The following LRMDA variants were observed in gnomAD, a reference collection of about 807,000 sequenced individuals.
LRMDA encodes leucine-rich melanocyte differentiation-associated protein.
A neutral mutation model predicts 29.8 loss-of-function variants in LRMDA; 18 were observed. That is an observed-to-expected ratio of 0.60 (90% CI 0.42 to 0.90). The LOEUF (loss-of-function observed/expected upper bound fraction) is 0.90. LRMDA is among the 40% of genes least tolerant of loss of function. LRMDA has a pLI of 0.00. For synonymous variants in LRMDA, 125 were observed against 109.4 expected, an observed-to-expected ratio of 1.14 and a Z score of -0.89; for missense variants, 273 against 273.9, an observed-to-expected ratio of 1.00 and a Z score of 0.02.
chr10:76,073,861 A>T (rs1204016077), intron 5 of LRMDA, among the ~76,000 whole-genome samples: 1 of 152,200 alleles, frequency 6.6e-6, no homozygotes, highest in African/African-American at 2.4e-5. Flanking sequence ...TGTACAAAGC[A>T]TGCATTGACC....
intron 5 of LRMDA, among the ~76,000 whole-genome samples, chr10:76,245,513 A>G (rs1248502126): frequency 6.6e-6 from 1 of 152,214 alleles, no homozygotes; most frequent in African/African-American, 2.4e-5. Flanking sequence ...AGAGGGAAGG[A>G]AAGGGAAGGA....
chr10:75,598,402 G>A (rs553784775), intron 2 of LRMDA, among the ~76,000 whole-genome samples: 1 of 152,220 alleles, frequency 6.6e-6, no homozygotes, highest in African/African-American at 2.4e-5. Flanking sequence ...GAGAGTCGTC[G>A]TGTCCCTAGC....
chr10:76,089,620 C>T (rs993586810), intron 5 of LRMDA, among the ~76,000 whole-genome samples: 2 of 152,126 alleles, frequency 1.3e-5, no homozygotes, highest in African/African-American at 2.4e-5. Flanking sequence ...TGCATGAACC[C>T]ATTAACTCAG....
At chr10:75,892,068 GTGACAGTGA>G (rs1444464812) in intron 2 of LRMDA, among the ~76,000 whole-genome samples, 1 of 152,144 alleles carries the variant, frequency 6.6e-6, no homozygotes, top group East Asian at 1.9e-4. Flanking sequence ...GGGAATTAGC[GTGACAGTGA>G]TGATCAATGG....
At chr10:75,727,068 G>A (rs1253239961) in intron 2 of LRMDA, among the ~76,000 whole-genome samples, 1 of 152,158 alleles carries the variant, frequency 6.6e-6, no homozygotes, top group Non-Finnish European at 1.5e-5. Context: ...TTTGCATTGT[G>A]TGTGGCCTGT....
intron 2 of LRMDA, among the ~76,000 whole-genome samples, chr10:75,616,032 T>C (rs1841093577): frequency 6.6e-6 from 1 of 152,232 alleles, no homozygotes; most frequent in Non-Finnish European, 1.5e-5. Context: ...AGAGACTGTT[T>C]CTTTAATTTA....
At chr10:75,788,392 C>G (rs1431708013) in intron 2 of LRMDA, among the ~76,000 whole-genome samples, 1 of 152,106 alleles carries the variant, frequency 6.6e-6, no homozygotes, top group Non-Finnish European at 1.5e-5. Context: ...GGCTGGAGTT[C>G]CAGTCATATC....
chr10:76,355,177 A>G (rs1251098182), intron 6 of LRMDA, among the ~76,000 whole-genome samples: 1 of 152,196 alleles, frequency 6.6e-6, no homozygotes, highest in African/African-American at 2.4e-5. Context: ...TTTATGAAAC[A>G]CATTTTACAT....
intron 2 of LRMDA, among the ~76,000 whole-genome samples, chr10:75,474,911 C>G (rs1844771006): frequency 2.0e-5 from 3 of 152,158 alleles, no homozygotes; most frequent in Admixed American, 2.0e-4. Context: ...GCGCTGGTCT[C>G]TTTAAAGGTG....
intron 2 of LRMDA, among the ~76,000 whole-genome samples, chr10:75,929,089 G>A (rs1274755343): frequency 6.6e-6 from 1 of 152,136 alleles, no homozygotes; most frequent in Non-Finnish European, 1.5e-5. Flanking sequence ...AAAGCACTCT[G>A]GGTCCTGTTT....
At chr10:76,553,571 A>G (rs971596588) in intron 6 of LRMDA, among the ~76,000 whole-genome samples, 3 of 152,252 alleles carry the variant, frequency 2.0e-5, no homozygotes, top group African/African-American at 7.2e-5. Flanking sequence ...ATTTACGAGC[A>G]GAGCCTCATA....
intron 6 of LRMDA, among the ~76,000 whole-genome samples, chr10:76,348,840 G>C (rs1284003654): frequency 6.6e-6 from 1 of 152,224 alleles, no homozygotes; most frequent in Non-Finnish European, 1.5e-5. Context: ...GCAGCAAACT[G>C]TGACATTTGC....
chr10:76,053,624 G>C (rs1183702367), intron 4 of LRMDA, among the ~76,000 whole-genome samples: 1 of 152,142 alleles, frequency 6.6e-6, no homozygotes, highest in Non-Finnish European at 1.5e-5. Flanking sequence ...AGGCAAGCAG[G>C]AAGCCCACTG....
chr10:75,572,551 G>A (rs989388316), intron 2 of LRMDA, among the ~76,000 whole-genome samples: 3 of 152,066 alleles, frequency 2.0e-5, no homozygotes, highest in Admixed American at 2.0e-4. Context: ...TTCGATTTCT[G>A]CCAAGTACAC....
chr10:76,444,900 T>G (rs1198759046), intron 6 of LRMDA, among the ~76,000 whole-genome samples: 2 of 152,188 alleles, frequency 1.3e-5, no homozygotes. Flanking sequence ...TATCTATAAT[T>G]GTATTCATGT....
At chr10:76,095,932 G>A (rs1411260679) in intron 5 of LRMDA, among the ~76,000 whole-genome samples, 2 of 149,646 alleles carry the variant, frequency 1.3e-5, no homozygotes, top group African/African-American at 2.5e-5. Flanking sequence ...GAGACAGCGA[G>A]ACTCCGTCTC....
At chr10:75,990,598 A>C (rs1847350759) in intron 2 of LRMDA, among the ~76,000 whole-genome samples, 2 of 152,218 alleles carry the variant, frequency 1.3e-5, no homozygotes, top group Non-Finnish European at 2.9e-5. Context: ...TTGCTCCTTA[A>C]ATTTGGAAGG....
intron 6 of LRMDA, 76 bp from the exon 7 acceptor site, chr10:76,557,133 T>A: frequency 8.6e-7 from 1 of 1,166,158 alleles, no homozygotes; most frequent in East Asian, 2.3e-5. Flanking sequence ...ATCTTGCATG[T>A]CTGCTTTTCA....
intron 2 of LRMDA, among the ~76,000 whole-genome samples, chr10:76,026,967 T>C (rs1848073336): frequency 6.6e-6 from 1 of 152,202 alleles, no homozygotes; most frequent in African/African-American, 2.4e-5. Flanking sequence ...AAAAATTGAT[T>C]CAAGACATTT....
Sources: allele counts gnomAD v4.1 joint callset (sites outside exome capture counted in the v4.1 genomes callset), GRCh38; gene constraint gnomAD v4.1.1; transcripts MANE v1.5; gene names NCBI Gene and HGNC (gene_info 2026-07-23, HGNC 2026-07-21).